EXOC6: variants seen among roughly 807,000 people sequenced by gnomAD.
EXOC6 encodes the protein exocyst complex component 6, also known as SEC15-like 1.
A neutral mutation model predicts 112.5 loss-of-function variants in EXOC6; 60 were observed. The observed-to-expected ratio is 0.53, with a 90% confidence interval of 0.43 to 0.66. EXOC6 has a LOEUF of 0.66. Among genes scored for constraint, EXOC6 ranks in the 30% least tolerant of loss-of-function variants. The pLI, the probability that EXOC6 is intolerant of heterozygous loss-of-function variation, is 0.00. For missense variants in EXOC6, 855 were observed against 957.1 expected, an observed-to-expected ratio of 0.89 and a Z score of 1.41; for synonymous variants, 295 against 308.0, an observed-to-expected ratio of 0.96 and a Z score of 0.44.
chr10:93,005,042 C>T (rs1053119210), intron 19 of EXOC6, among the ~76,000 whole-genome samples: 1 of 152,148 alleles, frequency 6.6e-6, no homozygotes, highest in Admixed American at 6.5e-5. Context: ...TGAGGGAATA[C>T]AGTGGTAAGC....
chr10:92,921,950 C>A (rs1455817868), intron 8 of EXOC6, among the ~76,000 whole-genome samples: 1 of 151,766 alleles, frequency 6.6e-6, no homozygotes, highest in Non-Finnish European at 1.5e-5. Flanking sequence ...AAGCTAATTT[C>A]TTTCTTTTTT....
At chr10:92,837,086 G>A (rs1453549855) in intron 1 of EXOC6, among the ~76,000 whole-genome samples, 6 of 120,576 alleles carry the variant, frequency 5.0e-5, no homozygotes, top group African/African-American at 1.9e-4. Context: ...AGCCTGAAAT[G>A]GTTATAACAT....
intron 1 of EXOC6, among the ~76,000 whole-genome samples, chr10:92,885,287 C>A (rs981715247): frequency 3.3e-5 from 5 of 151,800 alleles, no homozygotes; most frequent in Admixed American, 6.6e-5. Context: ...TATTTTTATA[C>A]ATTCCGAGTT....
chr10:92,920,333 T>C lies in EXOC6; in HGVS notation c.888+283T>C, dbSNP rs367782261. Among the ~76,000 whole-genome samples the C allele has an allele frequency of 4.6e-5, 7 of 152,218 alleles. No individual in the cohort carries two copies. The East Asian group carries it at 7.7e-4, about 17-fold the overall frequency. On this transcript the variant is annotated intron_variant, in intron 8 of 21. Coordinates refer to ENST00000260762, the MANE Select transcript of EXOC6 (RefSeq NM_019053.6). The stretch of plus-strand genomic sequence containing the variant: ...CATCACAGTTCTTATAAGTTACTTT[T>C]ACATGTGTATTCCATACTACATTGC...
At chr10:92,986,396 T>G (rs1371091994) in intron 18 of EXOC6, among the ~76,000 whole-genome samples, 1 of 152,116 alleles carries the variant, frequency 6.6e-6, no homozygotes, top group African/African-American at 2.4e-5. Context: ...TCTATTCCAG[T>G]CTTCCAGAAG....
At chr10:92,931,453 T>TAC (rs778295850) in intron 9 of EXOC6, among the ~76,000 whole-genome samples, 2 of 151,482 alleles carry the variant, frequency 1.3e-5, no homozygotes, top group Non-Finnish European at 2.9e-5. Flanking sequence ...TTTTGATACA[T>TAC]ATATATATAA....
At chr10:92,971,279 C>T (rs983432725) in intron 17 of EXOC6, among the ~76,000 whole-genome samples, 17 of 152,248 alleles carry the variant, frequency 1.1e-4, no homozygotes, top group Admixed American at 4.6e-4. Flanking sequence ...CTCCTGACCC[C>T]GTGATTCACC....
chr10:92,966,281 A>ATTATT (rs1842045055), intron 17 of EXOC6, among the ~76,000 whole-genome samples: 2 of 134,954 alleles, frequency 1.5e-5, no homozygotes, highest in East Asian at 2.1e-4. Flanking sequence ...ATGTAATTAT[A>ATTATT]ATTATTATTA....
intron 18 of EXOC6, among the ~76,000 whole-genome samples, chr10:92,981,040 A>G (rs1256504925): frequency 6.6e-6 from 1 of 152,204 alleles, no homozygotes; most frequent in Non-Finnish European, 1.5e-5. Context: ...AAATAAAAAT[A>G]AAAATCATCA....
chr10:92,879,908 A>G (rs1038206242), intron 1 of EXOC6, among the ~76,000 whole-genome samples: 11 of 152,186 alleles, frequency 7.2e-5, no homozygotes, highest in African/African-American at 2.2e-4. Flanking sequence ...TGTGCTGTTT[A>G]TGATTCTGTT....
At chr10:92,954,353 G>T (rs527544026) in intron 15 of EXOC6, among the ~76,000 whole-genome samples, 2 of 152,210 alleles carry the variant, frequency 1.3e-5, no homozygotes, top group African/African-American at 4.8e-5. Flanking sequence ...GAATAATTTT[G>T]TTTCCTTATA....
At chr10:92,932,419 T>TA (rs1166901721) in intron 9 of EXOC6, among the ~76,000 whole-genome samples, 1 of 152,046 alleles carries the variant, frequency 6.6e-6, no homozygotes, top group Non-Finnish European at 1.5e-5. Context: ...ACTCTACATG[T>TA]AAAAAAGGGT....
intron 14 of EXOC6, among the ~76,000 whole-genome samples, chr10:92,949,018 A>G (rs1429194362): frequency 2.0e-5 from 3 of 152,224 alleles, no homozygotes; most frequent in Non-Finnish European, 4.4e-5. Flanking sequence ...ATGTGCATAT[A>G]TACGTGCAAA....
chr10:92,974,723 G>A (rs1165973148), intron 18 of EXOC6, among the ~76,000 whole-genome samples: 2 of 152,176 alleles, frequency 1.3e-5, no homozygotes, highest in African/African-American at 4.8e-5. Context: ...ACGCCACCAC[G>A]CCTGACTGGT....
intron 1 of EXOC6, among the ~76,000 whole-genome samples, chr10:92,886,705 A>G (rs1387430723): frequency 6.6e-6 from 1 of 152,246 alleles, no homozygotes; most frequent in Non-Finnish European, 1.5e-5. Context: ...TGATGCTAAC[A>G]GAATCCATGT....
chr10:92,942,413 G>A (rs908994972), intron 13 of EXOC6, among the ~76,000 whole-genome samples: 14 of 152,046 alleles, frequency 9.2e-5, no homozygotes, highest in Middle Eastern at 6.8e-3. Flanking sequence ...ATTTTTTAGT[G>A]CCTAAGTGGC....
At position 92,955,697 on chromosome 10, in the gene EXOC6, G is replaced by A. The variant is rs1853654167; in HGVS notation, c.1756G>A (p.Gly586Arg). ...QETVHTTRLYGLSTFKDARHA... is the reference protein window; with the variant it reads ...QETVHTTRLYRLSTFKDARHA... Reference sequence around the variant, plus strand: ...AACTGTTCATACTACAAGACTTTATGGACTTTCTACTTTCAAGGTATGTAA... The same window carrying A: ...AACTGTTCATACTACAAGACTTTATAGACTTTCTACTTTCAAGGTATGTAA... The change falls in exon 17 of 22, where the codon GGA becomes AGA. Residue 586 changes from glycine to arginine, a missense_variant. Coordinates refer to ENST00000260762, the MANE Select transcript of EXOC6 (RefSeq NM_019053.6). The A allele has an allele frequency of 1.2e-6, 2 of 1,609,376 alleles. No individual in the cohort carries two copies. The highest frequency in any genetic ancestry group is 1.7e-6 in the Non-Finnish European group (2 of 1,178,246).
chr10:92,929,210 C>T (rs1265873455), intron 9 of EXOC6, among the ~76,000 whole-genome samples: 1 of 152,182 alleles, frequency 6.6e-6, no homozygotes, highest in East Asian at 1.9e-4. Context: ...TCCTTCTGTT[C>T]CCTCTGGCGA....
chr10:92,868,507 TA>T (rs1848284983), intron 1 of EXOC6, among the ~76,000 whole-genome samples: 1 of 152,150 alleles, frequency 6.6e-6, no homozygotes, highest in African/African-American at 2.4e-5. Context: ...TCTCATCGCT[TA>T]TCTTTTTCAG....
Sources: gnomAD v4.1 joint callset for allele counts (sites outside exome capture counted in the v4.1 genomes callset) on GRCh38, gnomAD v4.1.1 for gene constraint, MANE v1.5 for transcripts, NCBI Gene and HGNC (gene_info 2026-07-23, HGNC 2026-07-21) for gene names.